FLG: variants seen among roughly 807,000 people sequenced by gnomAD.
The protein encoded by FLG is filaggrin, also known as epidermal filaggrin.
In FLG, 6 loss-of-function variants were observed where a neutral mutation model predicts 3.8. The ratio of observed to expected loss-of-function variants is 1.60; its 90% CI spans 0.87 to 3.15. FLG has a LOEUF of 3.15. FLG is among the 30% of genes most tolerant of loss of function. The probability of loss-of-function intolerance (pLI) is 0.00; values close to 1 mark genes in which losing one functional copy is unlikely to be tolerated. For missense variants in FLG, 7,595 were observed against 5,050.9 expected (o/e 1.50, Z -15.27); for synonymous variants, 2,551 against 1,931.6 (o/e 1.32, Z -8.41).
Position 152,309,622 on chromosome 1 carries a change from G to T in FLG, c.5264C>A (p.Ser1755Ter). ...CCCTGAACGTCCAGACCTTTCCCCT[G>T]ACTGGCCACGTGTGGACTCTTGGTG... is the stretch of plus-strand genomic sequence containing the variant. Reference protein sequence around the residue: ...QSHQESTRGQSGERSGRSGSF... With the variant: ...QSHQESTRGQ The change falls in exon 3 of 3, where the codon TCA becomes TAA. Residue 1755 changes from serine (S) to a stop codon, truncating the protein, a stop_gained. Coordinates refer to ENST00000368799, the MANE Select transcript of FLG (RefSeq NM_002016.2). LOFTEE classifies it low-confidence loss of function (END_TRUNC). 1 of 1,613,988 alleles carries T rather than the reference G, an allele frequency of 6.2e-7. No homozygotes were observed. Among genetic ancestry groups the T allele is most frequent in the Non-Finnish European group, 8.5e-7 (1 of 1,179,976 alleles).
rs573055090 is a variant in FLG at position 152,307,386 on chromosome 1, C to G, written c.7500G>C (p.Arg2500Ser). 1.9e-6 allele frequency: 3 copies of G among 1,613,158 alleles called. No individual in the cohort carries two copies. The highest frequency in any genetic ancestry group is 2.5e-6 in the Non-Finnish European group (3 of 1,179,708). The change falls in exon 3 of 3, where the codon AGG becomes AGC. Residue 2500 changes from arginine to serine, a missense_variant. By Grantham distance (110) the Arg-to-Ser change is moderately radical (BLOSUM62 -1). Coordinates refer to ENST00000368799, the MANE Select transcript of FLG (RefSeq NM_002016.2). ...CTGAGTGCCCATGGGAGGCATCAGA[C>G]CTTCCCTGGGATGTGGTGTGGCTGT... ...SHHSHTTSQG[R>S]SDASHGHSGS... is the part of the protein sequence containing the mutation.
Position 152,308,558 on chromosome 1 carries a change from T to C in FLG, c.6328A>G (p.Ser2110Gly), listed in dbSNP as rs1310247573. 3.7e-6 allele frequency: 6 copies of C among 1,613,992 alleles called. No individual in the cohort carries two copies. The highest frequency in any genetic ancestry group is 2.2e-5 in the East Asian group (1 of 44,890). The change falls in exon 3 of 3, where the codon AGC becomes GGC. Residue 2110 changes from serine to glycine, a missense_variant. Ser to Gly is a moderately conservative substitution (Grantham distance 56). Coordinates refer to ENST00000368799, the MANE Select transcript of FLG (RefSeq NM_002016.2). The stretch of plus-strand genomic sequence containing the variant: ...TGGGATCCTTGTCTTCCTCCAGTGC[T>C]GGGCGCAGACTGTCCATGGGTGGAC... ...SESTHGQSAP[S>G]TGGRQGSHYD...
rs745636309 is a variant in FLG, at chr1:152,308,439, T to A, written c.6447A>T (p.Arg2149Ser). 6.2e-7 allele frequency: 1 copy of A among 1,613,744 alleles called. No individual in the cohort carries two copies. The highest frequency in any genetic ancestry group is 8.5e-7 in the Non-Finnish European group (1 of 1,179,816). The part of the protein sequence containing the change: ...RGHPGPSRGG[R>S]QGSHQEQSVD... ...CCGATTGCTCTTGGTGGGACCCCTG[T>A]CTTCCTCCTCTGCTTGGCCCCGGGT... The change falls in exon 3 of 3, where the codon AGA becomes AGT. Residue 2149 changes from arginine (R) to serine (S), a missense_variant. Transcript: ENST00000368799.
rs768862137 is a variant in FLG, at chr1:152,313,976, C to G, written c.910G>C (p.Glu304Gln). ...CTCTCAGAGTCTTCTGAGTGTCCCT[C>G]ACTGTCCCTGTCCTGGCTAACTCTG... ...GSRVSQDRDS[E>Q]GHSEDSERHS... is the part of the protein sequence containing the mutation. Residue 304 changes from glutamate (E) to glutamine (Q), a missense_variant, in exon 3 of 3, where the codon GAG (glutamate) becomes CAG (glutamine). By Grantham distance (29) the Glu-to-Gln change is conservative (BLOSUM62 2). Transcript: ENST00000368799. 1 of 1,614,178 alleles carries G rather than the reference C, an allele frequency of 6.2e-7. No individual in the cohort carries two copies. The highest frequency in any genetic ancestry group is 2.2e-5 in the East Asian group (1 of 44,882).
Position 152,309,884 on chromosome 1 carries a change from A to G in FLG, c.5002T>C (p.Ser1668Pro). 6.2e-7 allele frequency: 1 copy of G among 1,614,014 alleles called. No homozygotes were observed. Among genetic ancestry groups the G allele is most frequent in the Non-Finnish European group, 8.5e-7 (1 of 1,179,992 alleles). Reference sequence around the variant, plus strand: ...CTTGACCTTGCCTGTTCCTGGGATGATGCAGCCTGTCCACCAGAGGAAGTC... The same window carrying G: ...CTTGACCTTGCCTGTTCCTGGGATGGTGCAGCCTGTCCACCAGAGGAAGTC... ...AETSSGGQAA[S>P]SQEQARSSPG... Residue 1668 changes from serine (S) to proline (P), a missense_variant, in exon 3 of 3, where the codon TCA becomes CCA. Coordinates refer to ENST00000368799, the MANE Select transcript of FLG (RefSeq NM_002016.2).
At chr1:152,314,854 T>G in intron 2 of FLG, 107 bp from the exon 3 acceptor site, 1 of 1,442,084 alleles carries the variant, frequency 6.9e-7, no homozygotes, top group Non-Finnish European at 9.5e-7. Context: ...TATTAAAAAG[T>G]GGGACAAAAT....
At position 152,314,200 on chromosome 1, in the gene FLG, T is replaced by G. The variant is rs774282541; in HGVS notation, c.686A>C (p.Gln229Pro). The G allele has an allele frequency of 1.2e-6, 2 of 1,614,132 alleles. No individual in the cohort carries two copies. The highest frequency in any genetic ancestry group is 2.2e-5 in the South Asian group (2 of 91,082). The change falls in exon 3 of 3, where the codon CAA (glutamine) becomes CCA (proline). Residue 229 changes from glutamine to proline, a missense_variant. By Grantham distance (76) the Gln-to-Pro change is moderately conservative (BLOSUM62 -1). Transcript: ENST00000368799. ...GTAATATGTGGCAATATGGCCTGAT[T>G]GTATCCATTTTTGAGTCATTCTTCC... is the stretch of plus-strand genomic sequence containing the variant. ...NTGRMTQKWIQSGHIATYYTI... is the reference protein window; with the variant it reads ...NTGRMTQKWIPSGHIATYYTI...
At chr1:152,315,823 T>G (rs1274933316) in intron 1 of FLG, among the ~76,000 whole-genome samples, 3 of 152,140 alleles carry the variant, frequency 2.0e-5, no homozygotes, top group African/African-American at 7.2e-5. Context: ...AGCAGTAAAA[T>G]TTACTTATAC....
chr1:152,315,159 A>C (rs1652738797), intron 2 of FLG, among the ~76,000 whole-genome samples, 160 bp downstream of exon 2: 2 of 152,072 alleles, frequency 1.3e-5, no homozygotes, highest in African/African-American at 4.8e-5. Flanking sequence ...ATATACATCC[A>C]GGTATAGGGG....
chr1:152,305,142 C>T lies in FLG; in HGVS notation c.9744G>A (p.Arg3248=), dbSNP rs765185123. 31 of 1,613,502 alleles carry T rather than the reference C, an allele frequency of 1.9e-5. 1 individual carries two copies. The highest frequency in any genetic ancestry group is 4.4e-5 in the South Asian group (4 of 91,000). ...NHRGSVQEQS[R]HGSRHPRSHH... ...GGGACCTGGGGTGTCTGGAGCCGTG[C>T]CTTGACTGCTCCTGAACAGATCCAC... Residue 3248 remains arginine, a synonymous_variant, in exon 3 of 3, where the codon AGG becomes AGA. Transcript: ENST00000368799.
In FLG at chr1:152,308,974, G is replaced by T; in HGVS notation, c.5912C>A (p.Ala1971Glu). The T allele has an allele frequency of 1.2e-6, 2 of 1,614,130 alleles. No individual in the cohort carries two copies. The highest frequency in any genetic ancestry group is 1.6e-4 in the Middle Eastern group (1 of 6,062). The change falls in exon 3 of 3, where the codon GCA becomes GAA. Residue 1971 changes from alanine (A) to glutamate (E), a missense_variant. Ala to Glu is a moderately radical substitution (Grantham distance 107). Coordinates refer to ENST00000368799, the MANE Select transcript of FLG (RefSeq NM_002016.2). ...AGTGCCTGATTGTCTGGAGCTGTCT[G>T]CAGAGTGCCCGTGACCGGCTCTGTC... ...HEDRAGHGHS[A>E]DSSRQSGTRH...
chr1:152,308,768 T>C lies in FLG; in HGVS notation c.6118A>G (p.Ser2040Gly), dbSNP rs1652167980. The C allele has an allele frequency of 1.2e-6, 2 of 1,614,190 alleles. No homozygotes were observed. The highest frequency in any genetic ancestry group is 2.2e-5 in the East Asian group (1 of 44,884). Residue 2040 changes from serine to glycine, a missense_variant, in exon 3 of 3, where the codon AGT becomes GGT. Ser to Gly is a moderately conservative substitution (Grantham distance 56, BLOSUM62 0). Coordinates refer to ENST00000368799, the MANE Select transcript of FLG (RefSeq NM_002016.2). ...AVRDSGHRGY[S>G]GSQASDSEGH... is the part of the protein sequence containing the mutation. ...TCACTGTCACTGGCCTGACTACCACTGTACCCTCGGTGTCCACTGTCTCTG... is the reference window on the plus strand; with the variant it reads ...TCACTGTCACTGGCCTGACTACCACCGTACCCTCGGTGTCCACTGTCTCTG...
In FLG at chr1:152,307,812, A is replaced by G; in HGVS notation, c.7074T>C (p.Ser2358=). Reference sequence around the variant, plus strand: ...GACTACCACTGGACCCTCGGTGTCCACTGTCTCTGACTGCAGATGAAGCTT... The same window carrying G: ...GACTACCACTGGACCCTCGGTGTCCGCTGTCTCTGACTGCAGATGAAGCTT... ...HGQASSAVRD[S]GHRGSSGSQA... Residue 2358 remains serine, a synonymous_variant, in exon 3 of 3, where the codon AGT becomes AGC. Transcript: ENST00000368799. 6.2e-7 allele frequency: 1 copy of G among 1,612,618 alleles called. No homozygotes were observed. Among genetic ancestry groups the G allele is most frequent in the African/African-American group, 1.3e-5 (1 of 74,298 alleles).
chr1:152,308,393 C>T lies in FLG; in HGVS notation c.6493G>A (p.Gly2165Arg), dbSNP rs538310710. 1.2e-6 allele frequency: 2 copies of T among 1,613,730 alleles called. No individual in the cohort carries two copies. The highest frequency in any genetic ancestry group is 1.7e-6 in the Non-Finnish European group (2 of 1,179,904). ...GATGTGGTGTGGCTGTGATGAGACC[C>T]TGAGTGTCCAGACCTATCTACCGAT... ...EQSVDRSGHS[G>R]SHHSHTTSQG... is the part of the protein sequence containing the mutation. The change falls in exon 3 of 3, where the codon GGG becomes AGG. Residue 2165 changes from glycine (G) to arginine (R), a missense_variant. Coordinates refer to ENST00000368799, the MANE Select transcript of FLG (RefSeq NM_002016.2).
In FLG at chr1:152,310,211, A is replaced by C. The variant is rs201799900; in HGVS notation, c.4675T>G (p.Ser1559Ala). ...QSGDGSRHSG[S>A]RHHEPSTRAG... ...CGAGTGGAAGGTTCATGGTGACGTG[A>C]CCCTGAGTGCCTGGAGCCGTCTCCT... Residue 1559 changes from serine to alanine, a missense_variant, in exon 3 of 3, where the codon TCA becomes GCA. Coordinates refer to ENST00000368799, the MANE Select transcript of FLG (RefSeq NM_002016.2). 15 of 1,613,102 alleles carry C rather than the reference A, an allele frequency of 9.3e-6. No individual in the cohort carries two copies. The highest frequency in any genetic ancestry group is 1.3e-5 in the Non-Finnish European group (15 of 1,179,842).
In FLG at chr1:152,307,608, G is replaced by A. The variant is rs200015722; in HGVS notation, c.7278C>T (p.Ser2426=). ...YQVSTHEQSE[S]AHGRTGTSTG... ...TGCTGGTCCCGGTCCGTCCATGGGC[G>A]GACTCAGACTGTTCATGAGTGCTCA... Residue 2426 remains serine, a synonymous_variant, in exon 3 of 3, where the codon TCC becomes TCT. Transcript: ENST00000368799. 2.3e-4 allele frequency: 371 copies of A among 1,613,018 alleles called. 1 individual carries two copies. The highest frequency in any genetic ancestry group is 2.9e-4 in the African/African-American group (22 of 74,634).
At position 152,310,962 on chromosome 1, in the gene FLG, G is replaced by A. The variant is rs759881133; in HGVS notation, c.3924C>T (p.His1308=). 4 of 1,614,012 alleles carry A rather than the reference G, an allele frequency of 2.5e-6. No homozygotes were observed. The South Asian group carries it at 3.3e-5, about 13-fold the overall frequency. ...CTCTGTCTTCTTGATGGAACCCAGG[G>A]TGTCTGGAGCCATCTCTTGACTGCT... ...SREQSRDGSR[H]PGFHQEDRAS... The change falls in exon 3 of 3, where the codon CAC becomes CAT. Residue 1308 remains histidine (H), a synonymous_variant. Transcript: ENST00000368799.
At chr1:152,317,339 T>C (rs949546084) in intron 1 of FLG, among the ~76,000 whole-genome samples, 1 of 152,112 alleles carries the variant, frequency 6.6e-6, no homozygotes, top group African/African-American at 2.4e-5. Flanking sequence ...GCCTATACAT[T>C]CTGTCTTTAC....
rs138782580 is a variant in FLG at position 152,312,819 on chromosome 1, A to G, written c.2067T>C (p.Ser689=). The G allele has an allele frequency of 2.6e-4, 419 of 1,614,006 alleles. 1 individual carries two copies. The highest frequency in any genetic ancestry group is 2.3e-3 in the East Asian group (103 of 44,852). The change falls in exon 3 of 3, where the codon TCT becomes TCC. Residue 689 remains serine, a synonymous_variant. Coordinates refer to ENST00000368799, the MANE Select transcript of FLG (RefSeq NM_002016.2). The stretch of plus-strand genomic sequence containing the variant: ...CATGGGATGACGCAGCCTGTCCACT[A>G]GAGGAATTCTGTGTGTGACGAGTGC... ...KSGTRHTQNS[S]SGQAASSHEQ... is the part of the protein sequence containing the mutation.
Sources: gnomAD v4.1 joint callset for allele counts (sites outside exome capture counted in the v4.1 genomes callset) on GRCh38, gnomAD v4.1.1 for gene constraint, MANE v1.5 for transcripts, NCBI Gene and HGNC (gene_info 2026-07-23, HGNC 2026-07-21) for gene names.